SMYD3: variants seen among roughly 807,000 people sequenced by gnomAD.
The protein encoded by SMYD3 is histone-lysine N-methyltransferase SMYD3.
In SMYD3, 36 loss-of-function variants were observed where a neutral mutation model predicts 57.7. The ratio of observed to expected loss-of-function variants is 0.62; its 90% CI spans 0.48 to 0.82. SMYD3 has a LOEUF of 0.82. SMYD3 is among the 40% of genes least tolerant of loss of function. The probability of loss-of-function intolerance (pLI) is 0.00; values close to 1 mark genes in which losing one functional copy is unlikely to be tolerated. For synonymous variants in SMYD3, 211 were observed against 195.0 expected (o/e 1.08, Z -0.68); for missense variants, 515 against 538.8 (o/e 0.96, Z 0.44).
intron 3 of SMYD3, 66 bp downstream of exon 3, chr1:246,335,301 G>A (rs574433409): frequency 4.8e-5 from 65 of 1,363,912 alleles, no homozygotes; most frequent in East Asian, 2.3e-4. Flanking sequence ...GAGGTATACC[G>A]GAAAATGCAA....
intron 2 of SMYD3, among the ~76,000 whole-genome samples, chr1:246,348,833 T>G (rs1360109069): frequency 1.1e-4 from 16 of 152,200 alleles, no homozygotes; most frequent in Non-Finnish European, 2.4e-4. Context: ...TGTCAGTTAT[T>G]CTATTATAGC....
At chr1:245,998,963 A>G (rs1047952805) in intron 5 of SMYD3, among the ~76,000 whole-genome samples, 31 of 152,300 alleles carry the variant, frequency 2.0e-4, no homozygotes, top group Middle Eastern at 6.8e-3. Flanking sequence ...ACAGAGACGC[A>G]AAACAGATTG....
At chr1:245,902,768 T>C (rs2054275110) in intron 8 of SMYD3, among the ~76,000 whole-genome samples, 1 of 152,252 alleles carries the variant, frequency 6.6e-6, no homozygotes, top group Admixed American at 6.5e-5. Flanking sequence ...AGAAATAATA[T>C]GAAGACCACA....
intron 5 of SMYD3, among the ~76,000 whole-genome samples, chr1:246,255,175 G>A (rs930734213): frequency 2.0e-5 from 3 of 152,044 alleles, no homozygotes; most frequent in African/African-American, 7.2e-5. Flanking sequence ...TTGAATAGGA[G>A]TGGTAAGAGT....
intron 1 of SMYD3, among the ~76,000 whole-genome samples, chr1:246,427,278 T>A (rs1462412093): frequency 2.0e-5 from 3 of 152,154 alleles, no homozygotes; most frequent in Non-Finnish European, 4.4e-5. Context: ...CCCAGCACTT[T>A]GGGAGGCCGA....
In SMYD3 at chr1:245,915,582, C is replaced by T; in HGVS notation, c.761G>A (p.Arg254Lys). Residue 254 changes from arginine to lysine, a missense_variant, in exon 8 of 12, where the codon AGG becomes AAG. Transcript: ENST00000490107. The stretch of plus-strand genomic sequence containing the variant: ...GTCACATTCAAAGCAGTACTGGTCC[C>T]TCAGCTGCTTCCGGCGCTCCTCACT... The part of the protein sequence containing the change: ...MTSEERRKQL[R>K]DQYCFECDCF... 14 of 1,614,070 alleles carry T rather than the reference C, an allele frequency of 8.7e-6. No homozygotes were observed. Among genetic ancestry groups the T allele is most frequent in the Non-Finnish European group, 1.2e-5 (14 of 1,179,976 alleles).
rs544195050 is a variant in SMYD3, at chr1:246,494,327, T to G, written c.164+12727A>C. On this transcript the variant is annotated intron_variant, in intron 1 of 11. Transcript: ENST00000490107. ...CAATTAGTTATTCCTCCATAGTTGT[T>G]ATCTCTACCACTTATTTCACTGGTA... Among the ~76,000 whole-genome samples the G allele has an allele frequency of 5.9e-5, 9 of 152,372 alleles. No homozygotes were observed. In the South Asian group the frequency reaches 1.9e-3, roughly 32 times the overall value.
intron 1 of SMYD3, among the ~76,000 whole-genome samples, chr1:246,481,048 C>A (rs1417114691): frequency 6.6e-6 from 1 of 152,194 alleles, no homozygotes; most frequent in Non-Finnish European, 1.5e-5. Context: ...GATCCGTCCA[C>A]CTTGGCTTCC....
chr1:245,814,272 C>G, intron 10 of SMYD3: 1 of 628,440 alleles, frequency 1.6e-6, no homozygotes, highest in Non-Finnish European at 2.0e-6. Context: ...TTAATAATTT[C>G]AGTGTATAGC....
intron 8 of SMYD3, among the ~76,000 whole-genome samples, chr1:245,873,653 A>T (rs2052338848): frequency 6.6e-6 from 1 of 152,214 alleles, no homozygotes; most frequent in East Asian, 1.9e-4. Context: ...ACAGAGATAA[A>T]AATGCTTTAA....
rs568539507 is a variant in SMYD3, at chr1:246,422,618, C to G, written c.165-67524G>C. Reference sequence around the variant, plus strand: ...TGTATTTTTAGTAGAGACGGGGTTTCGCCACGTTAGCCAGGCTGGTCTCGA... The same window carrying G: ...TGTATTTTTAGTAGAGACGGGGTTTGGCCACGTTAGCCAGGCTGGTCTCGA... On this transcript the variant is annotated intron_variant, in intron 1 of 11. Coordinates refer to ENST00000490107, the MANE Select transcript of SMYD3 (RefSeq NM_001167740.2). Among the ~76,000 whole-genome samples the G allele has an allele frequency of 3.3e-5, 5 of 152,174 alleles. No individual in the cohort carries two copies. The South Asian group carries it at 8.3e-4, about 25-fold the overall frequency.
chr1:245,890,795 C>T (rs769333501), intron 8 of SMYD3, among the ~76,000 whole-genome samples: 8 of 152,284 alleles, frequency 5.3e-5, no homozygotes, highest in South Asian at 2.1e-4. Flanking sequence ...CTACTATTCA[C>T]AATAGCTAAG....
chr1:245,917,545 T>A (rs1044614840), intron 7 of SMYD3, among the ~76,000 whole-genome samples: 3 of 152,152 alleles, frequency 2.0e-5, no homozygotes, highest in African/African-American at 7.2e-5. Flanking sequence ...CCTCAAGGCC[T>A]GTGCACTGGC....
intron 1 of SMYD3, among the ~76,000 whole-genome samples, chr1:246,400,078 A>C (rs1016198738): frequency 6.6e-6 from 1 of 152,342 alleles, no homozygotes; most frequent in Admixed American, 6.5e-5. Context: ...AGAAAAAAAA[A>C]GGTAAAGATC....
chr1:245,956,726 G>T (rs1008217681), intron 5 of SMYD3, among the ~76,000 whole-genome samples: 4 of 152,162 alleles, frequency 2.6e-5, no homozygotes, highest in African/African-American at 9.7e-5. Flanking sequence ...TCTGGGAAGG[G>T]TTTAGTGATG....
chr1:245,759,794 G>T (rs1297758920), intron 11 of SMYD3, among the ~76,000 whole-genome samples: 4 of 152,132 alleles, frequency 2.6e-5, no homozygotes, highest in Admixed American at 1.3e-4. Context: ...AATGGATGCC[G>T]AGGGGAAAGA....
chr1:245,969,198 T>C (rs1453340667), intron 5 of SMYD3, among the ~76,000 whole-genome samples: 2 of 152,218 alleles, frequency 1.3e-5, no homozygotes, highest in Non-Finnish European at 2.9e-5. Flanking sequence ...CTGGGATCAA[T>C]GAAAATCAAC....
chr1:246,342,153 A>C (rs1192584901), intron 2 of SMYD3, among the ~76,000 whole-genome samples: 1 of 152,196 alleles, frequency 6.6e-6, no homozygotes, highest in African/African-American at 2.4e-5. Context: ...CTGTCTTTAA[A>C]AATATAGAAA....
At chr1:246,354,673 G>GTAGA (rs1436166294) in intron 2 of SMYD3, among the ~76,000 whole-genome samples, 3 of 149,806 alleles carry the variant, frequency 2.0e-5, no homozygotes, top group Non-Finnish European at 4.4e-5. Context: ...AACATAGGAT[G>GTAGA]TAGATACACA....
Sources: allele counts gnomAD v4.1 joint callset (sites outside exome capture counted in the v4.1 genomes callset), GRCh38; gene constraint gnomAD v4.1.1; transcripts MANE v1.5; gene names NCBI Gene and HGNC (gene_info 2026-07-23, HGNC 2026-07-21).